GSE1: variants seen among roughly 807,000 people sequenced by gnomAD.
GSE1 encodes Gse1 coiled-coil protein.
Under a neutral mutation model 112.6 loss-of-function variants are expected in GSE1, and 32 were observed. The observed-to-expected ratio is 0.28, with a 90% confidence interval of 0.21 to 0.38. GSE1 has a LOEUF of 0.38. Among genes scored for constraint, GSE1 ranks in the 10% least tolerant of loss-of-function variants. The pLI, the probability that GSE1 is intolerant of heterozygous loss-of-function variation, is 1.00. For missense variants in GSE1, 2,348 were observed against 1,699.2 expected, an observed-to-expected ratio of 1.38 and a Z score of -6.71; for synonymous variants, 1,115 against 735.6, an observed-to-expected ratio of 1.52 and a Z score of -8.35.
At chr16:85,219,977 C>T (rs1474433393) in intron 1 of GSE1, among the ~76,000 whole-genome samples, 2 of 152,180 alleles carry the variant, frequency 1.3e-5, no homozygotes, top group Non-Finnish European at 2.9e-5. Flanking sequence ...GATGGGAATC[C>T]CTGCTGCTAT....
intron 2 of GSE1, among the ~76,000 whole-genome samples, chr16:85,446,544 A>G (rs1268586260): frequency 6.6e-6 from 1 of 152,130 alleles, no homozygotes; most frequent in African/African-American, 2.4e-5. Context: ...GGGTTCTGCG[A>G]TGACCGGGCT....
intron 2 of GSE1, among the ~76,000 whole-genome samples, chr16:85,496,589 T>C (rs1001514634): frequency 2.6e-5 from 4 of 152,180 alleles, no homozygotes; most frequent in African/African-American, 9.7e-5. Flanking sequence ...TTTTGCAGGC[T>C]GAGGGCAGAA....
intron 1 of GSE1, among the ~76,000 whole-genome samples, chr16:85,605,704 G>A (rs951578471): frequency 1.3e-5 from 2 of 151,920 alleles, no homozygotes; most frequent in African/African-American, 2.4e-5. Flanking sequence ...ACATTTTAAC[G>A]TTTGCTGTCT....
intron 1 of GSE1, among the ~76,000 whole-genome samples, chr16:85,347,763 A>T (rs1411487187): frequency 6.7e-6 from 1 of 149,204 alleles, no homozygotes; most frequent in Non-Finnish European, 1.5e-5. Flanking sequence ...CTGTGGACAT[A>T]GTGGCTGCGG....
intron 2 of GSE1, among the ~76,000 whole-genome samples, chr16:85,422,284 G>A (rs901628281): frequency 1.3e-5 from 2 of 152,216 alleles, no homozygotes; most frequent in Admixed American, 1.3e-4. Flanking sequence ...ATCTGCTAGG[G>A]GTGGCTGTCA....
In GSE1 at chr16:85,614,058, C is replaced by T. The variant is rs560463671; in HGVS notation, c.7+660C>T. On this transcript the variant is annotated intron_variant, in intron 1 of 15. Coordinates refer to ENST00000253458, the MANE Select transcript of GSE1 (RefSeq NM_014615.5). ...GCCGCTTCTCTCCTCTCTCTCCCCC[C>T]ACCCCCGGCGGAGCGGCTCCCTGCC... 2.9e-4 allele frequency among the ~76,000 whole-genome samples: 44 copies of T among 151,160 alleles called. 1 individual carries two copies. The highest frequency in any genetic ancestry group is 1.0e-3 in the African/African-American group (41 of 41,152).
In GSE1 at chr16:85,361,857, C is replaced by T. The variant is rs188209407; in HGVS notation, c.2464+4214C>T. Among the ~76,000 whole-genome samples, 603 of 152,126 alleles carry T rather than the reference C, an allele frequency of 4.0e-3. 3 individuals are homozygous for T. Among genetic ancestry groups the T allele is most frequent in the African/African-American group, 0.014 (574 of 41,398 alleles). Reference sequence around the variant, plus strand: ...TGGTAACACTGGGTTCCCTGCCGTCCCAGACTCCCGGGGCAGCCCACAGAG... The same window carrying T: ...TGGTAACACTGGGTTCCCTGCCGTCTCAGACTCCCGGGGCAGCCCACAGAG... On this transcript the variant is annotated intron_variant, in intron 2 of 2. Coordinates refer to the GSE1 transcript ENST00000637419.
At chr16:85,217,237 G>T (rs1483507966) in intron 1 of GSE1, among the ~76,000 whole-genome samples, 1 of 152,242 alleles carries the variant, frequency 6.6e-6, no homozygotes, top group African/African-American at 2.4e-5. Context: ...ACATTGGGAC[G>T]ATGGGGGAAA....
Position 85,665,044 on chromosome 16 carries a change from G to T in GSE1, c.2674G>T (p.Ala892Ser), listed in dbSNP as rs764096604. 1.2e-6 allele frequency: 2 copies of T among 1,611,302 alleles called. No homozygotes were observed. Among genetic ancestry groups the T allele is most frequent in the South Asian group, 2.2e-5 (2 of 91,014 alleles). ...AGAGAGACTTGTTGAAATGCTCCGT[G>T]CCATGAAGCAGAAGGCACTGTCAGC... ...DKERLVEMLR[A>S]MKQKALSAAV... Residue 892 changes from alanine to serine, a missense_variant, in exon 12 of 16, where the codon GCC (alanine) becomes TCC (serine). By Grantham distance (99) the Ala-to-Ser change is moderately conservative (BLOSUM62 1). Coordinates refer to ENST00000253458, the MANE Select transcript of GSE1 (RefSeq NM_014615.5).
Position 85,260,319 on chromosome 16 carries a change from C to CTTTTTTTTTTTTTTTTTTTT in GSE1, c.2283+88515_2283+88534dup, listed in dbSNP as rs111292010. On this transcript the variant is annotated intron_variant, in intron 1 of 2. Coordinates refer to the GSE1 transcript ENST00000637419. ...TATTTTTCCTTTTTCTTTTTCTTTT[C>CTTTTTTTTTTTTTTTTTTTT]TTTTTTTTTTTTTTTTTTTTTTGAG... is the stretch of plus-strand genomic sequence containing the variant. Among the ~76,000 whole-genome samples, 91 of 94,864 alleles carry CTTTTTTTTTTTTTTTTTTTT rather than the reference C, an allele frequency of 9.6e-4. 3 individuals carry two copies. The highest frequency in any genetic ancestry group is 1.8e-3 in the African/African-American group (40 of 21,998). The allele number at this position is 94,864 out of a possible 152,430, so 62.2% of individuals were successfully genotyped here. A position where few individuals can be genotyped will look rare whatever the true frequency, so the allele number is the denominator to read the frequency against.
intron 2 of GSE1, among the ~76,000 whole-genome samples, chr16:85,382,108 G>T (rs1274468939): frequency 6.6e-6 from 1 of 152,230 alleles, no homozygotes; most frequent in Admixed American, 6.5e-5. Flanking sequence ...CAATCTTGCG[G>T]CCCTGGGCTG....
intron 1 of GSE1, among the ~76,000 whole-genome samples, chr16:85,262,440 A>C (rs1907796839): frequency 6.6e-6 from 1 of 152,210 alleles, no homozygotes; most frequent in Non-Finnish European, 1.5e-5. Context: ...GGGGCCTCTC[A>C]GATGGCAGGC....
At chr16:85,641,284 G>C (rs1027573667) in intron 2 of GSE1, among the ~76,000 whole-genome samples, 7 of 152,232 alleles carry the variant, frequency 4.6e-5, no homozygotes, top group African/African-American at 1.7e-4. Context: ...CAGCATCTAA[G>C]CTCACGCTGT....
At chr16:85,636,965 A>G (rs1378346703) in intron 2 of GSE1, among the ~76,000 whole-genome samples, 2 of 152,130 alleles carry the variant, frequency 1.3e-5, no homozygotes, top group Non-Finnish European at 2.9e-5. Flanking sequence ...TCTGCGCCAG[A>G]GGGCAGCAGG....
chr16:85,255,251 C>T lies in GSE1; in HGVS notation c.2283+83444C>T, dbSNP rs556465712. On this transcript the variant is annotated intron_variant, in intron 1 of 2. Transcript: ENST00000637419. Reference sequence around the variant, plus strand: ...CCCGACTCCTGCTGCCTGGGAGACCCGGGAGCCCAGAGGCCAGAGCCTGGG... The same window carrying T: ...CCCGACTCCTGCTGCCTGGGAGACCTGGGAGCCCAGAGGCCAGAGCCTGGG... Among the ~76,000 whole-genome samples, 598 of 152,222 alleles carry T rather than the reference C, an allele frequency of 3.9e-3. 5 individuals carry two copies. The highest frequency in any genetic ancestry group is 0.013 in the African/African-American group (558 of 41,532).
intron 1 of GSE1, among the ~76,000 whole-genome samples, chr16:85,274,176 G>C (rs2144205181): frequency 6.6e-6 from 1 of 150,874 alleles, no homozygotes; most frequent in South Asian, 2.2e-4. Flanking sequence ...ACGAGGTTAG[G>C]AGTTCGAGAC....
At chr16:85,206,288 T>C (rs992841301) in intron 1 of GSE1, among the ~76,000 whole-genome samples, 2 of 151,996 alleles carry the variant, frequency 1.3e-5, no homozygotes, top group African/African-American at 4.8e-5. Flanking sequence ...GGAGACCTTC[T>C]TGGAGACCCA....
intron 1 of GSE1, among the ~76,000 whole-genome samples, chr16:85,227,375 G>A (rs990412547): frequency 6.6e-6 from 1 of 152,248 alleles, no homozygotes; most frequent in Non-Finnish European, 1.5e-5. Context: ...CGGTGGGTAT[G>A]TCCAGAGGAT....
intron 1 of GSE1, among the ~76,000 whole-genome samples, chr16:85,314,258 A>T (rs1183151687): frequency 6.6e-6 from 1 of 152,184 alleles, no homozygotes; most frequent in Non-Finnish European, 1.5e-5. Context: ...AAAACCAGCC[A>T]GACCCTACAC....
Sources: allele counts gnomAD v4.1 joint callset (sites outside exome capture counted in the v4.1 genomes callset), GRCh38; gene constraint gnomAD v4.1.1; transcripts MANE v1.5; gene names NCBI Gene and HGNC (gene_info 2026-07-23, HGNC 2026-07-21).